Variants in HSPA12A observed in about 807,000 individuals in gnomAD.
HSPA12A encodes heat shock 70 kDa protein 12A.
Under a neutral mutation model 69.2 loss-of-function variants are expected in HSPA12A, and 28 were observed. That is an observed-to-expected ratio of 0.40 (90% CI 0.30 to 0.55). HSPA12A has a LOEUF of 0.55. HSPA12A is among the 20% of genes least tolerant of loss of function. HSPA12A has a pLI of 0.38. For missense variants in HSPA12A, 686 were observed against 900.7 expected (o/e 0.76, Z 3.05); for synonymous variants, 345 against 370.5 (o/e 0.93, Z 0.79).
At chr10:116,825,835 T>C (rs1167133547) in intron 2 of HSPA12A, among the ~76,000 whole-genome samples, 1 of 152,196 alleles carries the variant, frequency 6.6e-6, no homozygotes, top group Non-Finnish European at 1.5e-5. Context: ...TTATACACTT[T>C]GAGTGAATTG....
intron 2 of HSPA12A, among the ~76,000 whole-genome samples, chr10:116,818,737 A>G (rs977280463): frequency 1.6e-4 from 24 of 152,218 alleles, no homozygotes; most frequent in Non-Finnish European, 2.6e-4. Context: ...GAGATAAGAA[A>G]TGTTAGGACA....
At chr10:116,792,618 A>T (rs1224578049) in intron 2 of HSPA12A, among the ~76,000 whole-genome samples, 4 of 62,184 alleles carry the variant, frequency 6.4e-5, no homozygotes, top group Non-Finnish European at 1.3e-4. Context: ...ATCTACAAAA[A>T]AAAAAAAAAA....
At chr10:116,687,132 G>A (rs1849597693) in intron 6 of HSPA12A, among the ~76,000 whole-genome samples, 1 of 152,194 alleles carries the variant, frequency 6.6e-6, no homozygotes, top group Admixed American at 6.5e-5. Flanking sequence ...AAGACACTGA[G>A]GCTGCCCCAA....
At chr10:116,679,436 C>T (rs1849337360) in intron 10 of HSPA12A, 67 bp downstream of exon 10, 1 of 1,582,592 alleles carries the variant, frequency 6.3e-7, no homozygotes, top group Non-Finnish European at 8.6e-7. Flanking sequence ...ACACTTCGCT[C>T]CTCTCTCCCA....
At chr10:116,848,279 G>A (rs777327761) in intron 1 of HSPA12A, among the ~76,000 whole-genome samples, 3 of 152,216 alleles carry the variant, frequency 2.0e-5, no homozygotes, top group Non-Finnish European at 2.9e-5. Flanking sequence ...ACAGTGAGAC[G>A]TTCCGTAAGA....
At chr10:116,728,398 A>C (rs1176976202) in intron 1 of HSPA12A, among the ~76,000 whole-genome samples, 4 of 152,234 alleles carry the variant, frequency 2.6e-5, no homozygotes, top group Non-Finnish European at 5.9e-5. Context: ...ACCTGGAGAC[A>C]GGATTTATTG....
chr10:116,685,576 A>T (rs575639276), intron 6 of HSPA12A, among the ~76,000 whole-genome samples: 2 of 151,464 alleles, frequency 1.3e-5, no homozygotes, highest in East Asian at 3.9e-4. Context: ...TGGAGGTTGC[A>T]GTGAGCCGAG....
At chr10:116,690,325 T>C (rs1326144102) in intron 6 of HSPA12A, among the ~76,000 whole-genome samples, 1 of 152,198 alleles carries the variant, frequency 6.6e-6, no homozygotes, top group Non-Finnish European at 1.5e-5. Flanking sequence ...TGGTTGGGTA[T>C]AGAATCCAGT....
At chr10:116,793,532 C>T (rs565999110) in intron 2 of HSPA12A, among the ~76,000 whole-genome samples, 1 of 152,254 alleles carries the variant, frequency 6.6e-6, no homozygotes, top group East Asian at 1.9e-4. Context: ...GATCACACCA[C>T]TGTTCTCTAA....
intron 2 of HSPA12A, among the ~76,000 whole-genome samples, chr10:116,754,162 T>C (rs1484729668): frequency 6.6e-6 from 1 of 152,130 alleles, no homozygotes; most frequent in Non-Finnish European, 1.5e-5. Context: ...AGGCTGGCAA[T>C]GTGGTGGGAG....
chr10:116,705,705 GTA>G (rs746119502), intron 2 of HSPA12A, among the ~76,000 whole-genome samples: 11 of 152,212 alleles, frequency 7.2e-5, no homozygotes, highest in Non-Finnish European at 1.6e-4. Context: ...TGTGCCCTCT[GTA>G]CACCCAGGTG....
At chr10:116,750,131 C>T (rs1008492454) in intron 2 of HSPA12A, 25 of 574,554 alleles carry the variant, frequency 4.4e-5, no homozygotes, top group Non-Finnish European at 7.7e-5. Context: ...AATGTGTGTA[C>T]CTTATGCTCA....
intron 1 of HSPA12A, among the ~76,000 whole-genome samples, chr10:116,835,899 CGA>C (rs1311090750): frequency 6.6e-6 from 1 of 151,920 alleles, no homozygotes; most frequent in South Asian, 2.1e-4. Context: ...TGAGTAGTCA[CGA>C]GAGAGGAGCG....
At chr10:116,737,769 GGAA>G (rs1372272421) in intron 1 of HSPA12A, among the ~76,000 whole-genome samples, 48 of 152,332 alleles carry the variant, frequency 3.2e-4, no homozygotes, top group African/African-American at 1.1e-3. Context: ...GGTCAAGGCT[GGAA>G]GAAGAGGGGT....
At chr10:116,820,205 A>G (rs1261375339) in intron 2 of HSPA12A, among the ~76,000 whole-genome samples, 1 of 152,244 alleles carries the variant, frequency 6.6e-6, no homozygotes, top group Non-Finnish European at 1.5e-5. Flanking sequence ...TGATCAGCAA[A>G]ATATTTTAAA....
Position 116,723,344 on chromosome 10 carries a change from C to A in HSPA12A, c.41-16059G>T, listed in dbSNP as rs1028710048. ...CTGCAGGGAGAGAGGGGCCCGCTGA[C>A]CTTCACGTGGGAGGATTTGACCCTC... is the stretch of plus-strand genomic sequence containing the variant. On this transcript the variant is annotated intron_variant, in intron 1 of 11. Coordinates refer to ENST00000369209, the MANE Select transcript of HSPA12A (RefSeq NM_025015.3). This position sits in a 1 kb window ranked among gnomAD's most constrained non-coding sequence, Gnocchi z 4.1. 2.0e-5 allele frequency among the ~76,000 whole-genome samples: 3 copies of A among 152,174 alleles called. No individual in the cohort carries two copies. Among genetic ancestry groups the A allele is most frequent in the Non-Finnish European group, 4.4e-5 (3 of 68,036 alleles).
chr10:116,849,551 C>A, intron 1 of HSPA12A: 2 of 1,524,764 alleles, frequency 1.3e-6, no homozygotes, highest in Non-Finnish European at 1.8e-6. Flanking sequence ...CCCGCTGTAG[C>A]CTTAAATCTC....
At chr10:116,714,897 C>G (rs1850560537) in intron 1 of HSPA12A, among the ~76,000 whole-genome samples, 2 of 152,238 alleles carry the variant, frequency 1.3e-5, no homozygotes, top group African/African-American at 4.8e-5. Context: ...AATTCTGCAT[C>G]ACCCTTCAGG....
At chr10:116,841,132 G>A (rs1441097389) in intron 1 of HSPA12A, among the ~76,000 whole-genome samples, 1 of 152,086 alleles carries the variant, frequency 6.6e-6, no homozygotes, top group Non-Finnish European at 1.5e-5. Context: ...AATTTCATAC[G>A]ACCTTCTCCT....
Sources: allele counts gnomAD v4.1 joint callset (sites outside exome capture counted in the v4.1 genomes callset), GRCh38; gene constraint gnomAD v4.1.1; non-coding constraint Gnocchi (gnomAD v3.1); transcripts MANE v1.5; gene names NCBI Gene and HGNC (gene_info 2026-07-23, HGNC 2026-07-21).